HERPUD1: variants seen among roughly 807,000 people sequenced by gnomAD.
HERPUD1 encodes the protein homocysteine-responsive endoplasmic reticulum-resident ubiquitin-like domain member 1 protein.
HERPUD1 carries 17 observed loss-of-function variants against 45.0 expected under a neutral mutation model. The ratio of observed to expected loss-of-function variants is 0.38; its 90% CI spans 0.26 to 0.57. The LOEUF (loss-of-function observed/expected upper bound fraction) is 0.57, where lower values mean the gene tolerates loss of function less well. Among genes scored for constraint, HERPUD1 ranks in the 20% least tolerant of loss-of-function variants. HERPUD1 has a pLI of 0.72. For synonymous variants in HERPUD1, 164 were observed against 177.5 expected, an observed-to-expected ratio of 0.92 and a Z score of 0.61; for missense variants, 420 against 490.5, an observed-to-expected ratio of 0.86 and a Z score of 1.36.
rs1328453919 is a variant in HERPUD1 at position 56,932,277 on chromosome 16, G to T, written c.33G>T (p.Thr11=). The part of the protein sequence containing the change: MESETEPEPV[T]LLVKSPNQRH... Reference sequence around the variant, plus strand: ...CCGAGACCGAACCCGAGCCCGTCACGCTCCTGGTGAAGAGCCCCAACCAGC... The same window carrying T: ...CCGAGACCGAACCCGAGCCCGTCACTCTCCTGGTGAAGAGCCCCAACCAGC... Residue 11 remains threonine (T), a synonymous_variant, in exon 1 of 8, where the codon ACG becomes ACT. Transcript: ENST00000439977. The T allele has an allele frequency of 6.2e-7, 1 of 1,609,124 alleles. No individual in the cohort carries two copies. The highest frequency in any genetic ancestry group is 1.3e-5 in the African/African-American group (1 of 75,022).
rs1555504520 is a variant in HERPUD1 at position 56,940,036 on chromosome 16, T to A, written c.696T>A (p.Pro232=). 6.2e-7 allele frequency: 1 copy of A among 1,614,212 alleles called. No individual in the cohort carries two copies. The highest frequency in any genetic ancestry group is 2.2e-5 in the East Asian group (1 of 44,880). Residue 232 remains proline, a synonymous_variant, in exon 6 of 8, where the codon CCT becomes CCA. Transcript: ENST00000439977. The stretch of plus-strand genomic sequence containing the variant: ...AGCCTGCCAATCAGAATGCTGCTCC[T>A]CAAGTGGTTGTTAATCCTGGAGCCA... The part of the protein sequence containing the change: ...ENQPANQNAA[P]QVVVNPGANQ...
rs146712017 is a variant in HERPUD1 at position 56,935,260 on chromosome 16, A to G, written c.173A>G (p.Tyr58Cys). The G allele has an allele frequency of 1.9e-5, 31 of 1,613,906 alleles. No individual in the cohort carries two copies. The South Asian group carries it at 3.3e-4, about 17-fold the overall frequency. Residue 58 changes from tyrosine (Y) to cysteine (C), a missense_variant, in exon 2 of 8, where the codon TAT (tyrosine) becomes TGT (cysteine). By Grantham distance (194) the Tyr-to-Cys change is radical. Coordinates refer to ENST00000439977, the MANE Select transcript of HERPUD1 (RefSeq NM_014685.4). Reference protein sequence around the residue: ...RPRPEDQRLIYSGKLLLDHQC... With the variant: ...RPRPEDQRLICSGKLLLDHQC... ...CGTCCAGAGGACCAGAGGTTAATTT[A>G]TTCTGGGAAGCTGTTGTTGGATCAC...
intron 6 of HERPUD1, chr16:56,941,826 C>G (rs1474778784): frequency 1.8e-5 from 4 of 219,476 alleles, no homozygotes; most frequent in African/African-American, 9.3e-5. Flanking sequence ...GCATTCTCCC[C>G]GCTCTGTTCA....
chr16:56,935,203 T>TG, intron 1 of HERPUD1, 32 bp from the exon 2 acceptor site: 1 of 1,509,686 alleles, frequency 6.6e-7, no homozygotes, highest in Non-Finnish European at 9.2e-7. Flanking sequence ...GGTGAAATGC[T>TG]GACCTGTGTT....
chr16:56,937,420 C>A (rs1340761556), intron 4 of HERPUD1: 1 of 152,110 alleles, frequency 6.6e-6, no homozygotes, highest in Non-Finnish European at 1.5e-5. Flanking sequence ...TTCTCCGTCC[C>A]CCTTTTTCTA....
At chr16:56,938,359 T>G (rs1278479953) in intron 4 of HERPUD1, among the ~76,000 whole-genome samples, 1 of 151,994 alleles carries the variant, frequency 6.6e-6, no homozygotes, top group Non-Finnish European at 1.5e-5. Context: ...GTCAGGAGAT[T>G]GAGACCATCC....
In HERPUD1 at chr16:56,939,982, T is replaced by C. The variant is rs1446318266; in HGVS notation, c.642T>C (p.Pro214=). The C allele has an allele frequency of 1.9e-6, 3 of 1,610,408 alleles. No homozygotes were observed. Among genetic ancestry groups the C allele is most frequent in the Non-Finnish European group, 2.5e-6 (3 of 1,177,788 alleles). Residue 214 remains proline (P), a synonymous_variant, in exon 6 of 8, where the codon CCT becomes CCC. Transcript: ENST00000439977. ...TGGTCTCTGCACCTGCTCCAGCCCC[T>C]ATTCACAACCAGTTTCCAGCTGAAA... is the stretch of plus-strand genomic sequence containing the variant. ...IPVVSAPAPA[P]IHNQFPAENQ... is the part of the protein sequence containing the mutation.
chr16:56,943,063 T>C, intron 7 of HERPUD1, 63 bp from the exon 8 acceptor site: 1 of 1,512,640 alleles, frequency 6.6e-7, no homozygotes. Flanking sequence ...CATTATTTGG[T>C]GTTCATCATA....
At chr16:56,935,145 C>T in intron 1 of HERPUD1, 90 bp from the exon 2 acceptor site, 1 of 864,508 alleles carries the variant, frequency 1.2e-6, no homozygotes, top group Non-Finnish European at 1.9e-6. Context: ...CACACATATT[C>T]AAATTACTTG....
Position 56,936,697 on chromosome 16 carries a change from C to A in HERPUD1, c.311C>A (p.Ser104Tyr), listed in dbSNP as rs758376564. 1 of 1,612,802 alleles carries A rather than the reference C, an allele frequency of 6.2e-7. No homozygotes were observed. The highest frequency in any genetic ancestry group is 1.1e-5 in the South Asian group (1 of 90,922). ...MPEINAKVAE[S>Y]TEEPAGSNRG... ...GTTACACTTATTTAGGTGGCTGAAT[C>A]CACAGAGGAGCCTGCTGGTTCTAAT... Residue 104 changes from serine (S) to tyrosine (Y), a missense_variant, in exon 4 of 8, where the codon TCC becomes TAC. Physicochemically the swap from Ser to Tyr is moderately radical, Grantham distance 144 (BLOSUM62 -2). Coordinates refer to ENST00000439977, the MANE Select transcript of HERPUD1 (RefSeq NM_014685.4).
Position 56,939,928 on chromosome 16 carries a change from TCCA to T in HERPUD1, c.595_597del (p.Pro199del). 12 of 1,612,074 alleles carry T rather than the reference TCCA, an allele frequency of 7.4e-6. No homozygotes were observed. Among genetic ancestry groups the T allele is most frequent in the Non-Finnish European group, 1.0e-5 (12 of 1,178,142 alleles). Reference sequence around the variant, plus strand: ...CCACTGCTGCATCAGGGGCTTTTGTTCCACCACCAAGTGCACAAGAGATACCTG... The same window carrying T: ...CCACTGCTGCATCAGGGGCTTTTGTTCCACCAAGTGCACAAGAGATACCTG... On this transcript the variant is annotated inframe_deletion, in exon 6 of 8. Transcript: ENST00000439977.
At chr16:56,941,866 TA>T (rs2055912420) in intron 6 of HERPUD1, 3 of 225,092 alleles carry the variant, frequency 1.3e-5, no homozygotes, top group Non-Finnish European at 2.3e-5. Flanking sequence ...TAGTTCGTCA[TA>T]AGCATTTATT....
intron 1 of HERPUD1, chr16:56,933,319 A>C (rs530931959): frequency 2.2e-6 from 1 of 455,942 alleles, no homozygotes; most frequent in Non-Finnish European, 4.4e-6. Flanking sequence ...TTTAGAAGTG[A>C]GTTTTCCTTC....
chr16:56,942,955 C>T (rs546701596), intron 7 of HERPUD1, among the ~76,000 whole-genome samples, 171 bp from the exon 8 acceptor site: 46 of 152,292 alleles, frequency 3.0e-4, no homozygotes, highest in African/African-American at 1.1e-3. Context: ...GCCTGAGAAA[C>T]AGCCCTATCC....
chr16:56,933,193 A>G, intron 1 of HERPUD1: 3 of 449,700 alleles, frequency 6.7e-6, no homozygotes, highest in South Asian at 4.7e-5. Flanking sequence ...ACTGCCCACG[A>G]GCATAATTCT....
rs750343085 is a variant in HERPUD1 at position 56,932,154 on chromosome 16, T to C, written c.-91T>C. 1,147 of 1,549,278 alleles carry C rather than the reference T, an allele frequency of 7.4e-4. 12 individuals carry two copies. The highest frequency in any genetic ancestry group is 1.6e-4 in the Non-Finnish European group (184 of 1,154,256). On this transcript the variant is annotated 5_prime_UTR_variant, in exon 1 of 8. Transcript: ENST00000439977. ...AGCGGGGGCGCGCGCCCCAGAGACG[T>C]GAACTGTCGTTGCAGAGATTGCGGG...
rs776999020 is a variant in HERPUD1 at position 56,935,324 on chromosome 16, A to G, written c.225+12A>G. On this transcript the variant is annotated intron_variant, in intron 2 of 7. Coordinates refer to ENST00000439977, the MANE Select transcript of HERPUD1 (RefSeq NM_014685.4). ...ACTTGCTTCCAAAGGTACATCACTT[A>G]CACATTAACTTCTGAATGTTTTTAA... is the stretch of plus-strand genomic sequence containing the variant. 22 of 1,612,366 alleles carry G rather than the reference A, an allele frequency of 1.4e-5. No individual in the cohort carries two copies. Among genetic ancestry groups the G allele is most frequent in the Non-Finnish European group, 1.7e-5 (20 of 1,178,500 alleles).
rs2055870066 is a variant in HERPUD1, at chr16:56,936,800, A to G, written c.414A>G (p.Gly138=). 1 of 1,613,888 alleles carries G rather than the reference A, an allele frequency of 6.2e-7. No homozygotes were observed. The highest frequency in any genetic ancestry group is 1.1e-5 in the South Asian group (1 of 91,084). Residue 138 remains glycine (G), a synonymous_variant, in exon 4 of 8, where the codon GGA becomes GGG. Transcript: ENST00000439977. ...TTCTTCGGAACCTTTCTTCCCCTGGATGGGAAAACATCTCAAGGTGAGTGT... is the reference window on the plus strand; with the variant it reads ...TTCTTCGGAACCTTTCTTCCCCTGGGTGGGAAAACATCTCAAGGTGAGTGT... ...REVLRNLSSP[G]WENISRPEAA...
In HERPUD1 at chr16:56,936,853, A is replaced by G. The variant is rs778159985; in HGVS notation, c.431+36A>G. On this transcript the variant is annotated intron_variant, in intron 4 of 7. Transcript: ENST00000439977. ...TAATAAAGATCTTGGCTTATGCAAC[A>G]TGAATGTTCCTCGTTTGCATCAATT... is the stretch of plus-strand genomic sequence containing the variant. The G allele has an allele frequency of 5.6e-6, 9 of 1,605,736 alleles. No individual in the cohort carries two copies. The South Asian group carries it at 7.7e-5, about 14-fold the overall frequency.
Sources: allele counts gnomAD v4.1 joint callset (sites outside exome capture counted in the v4.1 genomes callset), GRCh38; gene constraint gnomAD v4.1.1; transcripts MANE v1.5; gene names NCBI Gene and HGNC (gene_info 2026-07-23, HGNC 2026-07-21).